Variants in SRRM4 observed in about 807,000 individuals in gnomAD.
SRRM4 encodes the protein serine/arginine repetitive matrix protein 4.
Under a neutral mutation model 68.9 loss-of-function variants are expected in SRRM4, and 33 were observed. The observed-to-expected ratio is 0.48, with a 90% CI of 0.36 to 0.64. The LOEUF is 0.64. Ranked by LOEUF, SRRM4 falls within the 30% of genes least tolerant of loss-of-function variation. The pLI is 0.00. For missense variants in SRRM4, 817 were observed against 827.1 expected, an observed-to-expected ratio of 0.99 and a Z score of 0.15; for synonymous variants, 318 against 318.8, an observed-to-expected ratio of 1.00 and a Z score of 0.03.
At chr12:119,023,038 T>C (rs1265257843) in intron 1 of SRRM4, among the ~76,000 whole-genome samples, 2 of 152,218 alleles carry the variant, frequency 1.3e-5, no homozygotes, top group African/African-American at 4.8e-5. Flanking sequence ...ACTCCGTACT[T>C]TTACCTACAC....
chr12:119,012,313 C>G (rs761021044), intron 1 of SRRM4, among the ~76,000 whole-genome samples: 1 of 152,212 alleles, frequency 6.6e-6, no homozygotes, highest in African/African-American at 2.4e-5. Context: ...GCATCATGAC[C>G]TGGCATCTGA....
Position 119,106,648 on chromosome 12 carries a change from C to T in SRRM4, c.278+4266C>T, listed in dbSNP as rs865835229. Among the ~76,000 whole-genome samples the T allele has an allele frequency of 7.6e-3, 1,153 of 151,538 alleles. 23 individuals carry two copies. The highest frequency in any genetic ancestry group is 0.026 in the African/African-American group (1,093 of 41,262). On this transcript the variant is annotated intron_variant, in intron 2 of 12. Coordinates refer to ENST00000267260, the MANE Select transcript of SRRM4 (RefSeq NM_194286.4). ...TGTATAGGAATGCTTGTGATTTTTGCACATTGATTTTGTATCCCGAGACTT... is the reference window on the plus strand; with the variant it reads ...TGTATAGGAATGCTTGTGATTTTTGTACATTGATTTTGTATCCCGAGACTT...
chr12:119,093,624 G>T (rs551247371), intron 1 of SRRM4, among the ~76,000 whole-genome samples: 1 of 152,178 alleles, frequency 6.6e-6, no homozygotes, highest in East Asian at 1.9e-4. Flanking sequence ...GGGCTGGAAG[G>T]AGAGATGATA....
At chr12:119,043,719 A>G (rs1009440110) in intron 1 of SRRM4, among the ~76,000 whole-genome samples, 1 of 151,208 alleles carries the variant, frequency 6.6e-6, no homozygotes, top group African/African-American at 2.4e-5. Flanking sequence ...GGAGAGAAGA[A>G]AAGGGCGTAG....
rs1280159312 is a variant in SRRM4 at position 119,161,486 on chromosome 12, T to G, written c.*4688T>G. ...TTGGAGTAAAAGTTTCTGTGTGTGTTTTTTTAGTTCTTTTGATGGCTGTTG... is the reference window on the plus strand; with the variant it reads ...TTGGAGTAAAAGTTTCTGTGTGTGTGTTTTTAGTTCTTTTGATGGCTGTTG... On this transcript the variant is annotated 3_prime_UTR_variant, in exon 13 of 13. Coordinates refer to ENST00000267260, the MANE Select transcript of SRRM4 (RefSeq NM_194286.4). 6.6e-6 allele frequency: 1 copy of G among 152,234 alleles called. No individual in the cohort carries two copies. Among genetic ancestry groups the G allele is most frequent in the Non-Finnish European group, 1.5e-5 (1 of 68,044 alleles). The allele number at this position is 152,234 out of a possible 1,614,324, so 9.4% of individuals were successfully genotyped here.
intron 1 of SRRM4, among the ~76,000 whole-genome samples, chr12:119,016,638 G>A (rs1017195338): frequency 3.3e-5 from 5 of 152,136 alleles, no homozygotes; most frequent in Non-Finnish European, 7.4e-5. Flanking sequence ...AGACCTTGCA[G>A]ATCCCTGTTC....
chr12:118,998,901 G>T (rs992745350), intron 1 of SRRM4, among the ~76,000 whole-genome samples: 1 of 152,210 alleles, frequency 6.6e-6, no homozygotes, highest in African/African-American at 2.4e-5. Flanking sequence ...ATGTAGAACT[G>T]TGAACAGGCA....
At chr12:119,092,539 C>T (rs1168407618) in intron 1 of SRRM4, among the ~76,000 whole-genome samples, 2 of 152,126 alleles carry the variant, frequency 1.3e-5, no homozygotes, top group Admixed American at 1.3e-4. Context: ...TCATCCTTGG[C>T]CCCTCTCTTT....
chr12:119,075,822 T>C (rs1953908866), intron 1 of SRRM4, among the ~76,000 whole-genome samples: 1 of 105,288 alleles, frequency 9.5e-6, no homozygotes, highest in Admixed American at 9.8e-5. Context: ...ATAACGGTGA[T>C]GATGGTGATG....
chr12:119,151,348 T>C (rs1337144866), intron 10 of SRRM4, 128 bp downstream of exon 10: 6 of 839,426 alleles, frequency 7.1e-6, no homozygotes, highest in Non-Finnish European at 1.1e-5. Flanking sequence ...GTTTTGCCCA[T>C]TTCGAGCTGG....
chr12:119,090,682 G>A (rs1954009351), intron 1 of SRRM4, among the ~76,000 whole-genome samples: 1 of 152,192 alleles, frequency 6.6e-6, no homozygotes, highest in African/African-American at 2.4e-5. Context: ...AAACAGAGCT[G>A]ATGGTCCTTT....
At chr12:119,149,050 G>T (rs554090321) in intron 9 of SRRM4, among the ~76,000 whole-genome samples, 1 of 152,288 alleles carries the variant, frequency 6.6e-6, no homozygotes, top group East Asian at 1.9e-4. Flanking sequence ...TAAATCTGGG[G>T]GTAATAATAG....
intron 1 of SRRM4, among the ~76,000 whole-genome samples, chr12:119,002,541 G>T (rs1953391341): frequency 6.6e-6 from 1 of 152,194 alleles, no homozygotes; most frequent in South Asian, 2.1e-4. Context: ...GGGACAGGAT[G>T]AAAATCTAAT....
chr12:119,081,983 T>C (rs7976598), intron 1 of SRRM4, among the ~76,000 whole-genome samples: 48,128 of 152,112 alleles, frequency 0.32, 7,801 homozygotes, highest in African/African-American at 0.34. Flanking sequence ...TTAATAATCA[T>C]TAGTAGCAAA....
At chr12:119,032,175 G>T (rs891940447) in intron 1 of SRRM4, among the ~76,000 whole-genome samples, 1 of 152,148 alleles carries the variant, frequency 6.6e-6, no homozygotes, top group South Asian at 2.1e-4. Flanking sequence ...TCCTGACTGG[G>T]AATGAAGCGT....
intron 1 of SRRM4, among the ~76,000 whole-genome samples, chr12:119,044,151 G>A (rs1452238173): frequency 6.6e-6 from 1 of 152,214 alleles, no homozygotes; most frequent in Non-Finnish European, 1.5e-5. Flanking sequence ...ATAGGCCTGA[G>A]CCACTGCACC....
At chr12:119,147,760 A>G (rs544203133) in intron 9 of SRRM4, among the ~76,000 whole-genome samples, 7 of 152,356 alleles carry the variant, frequency 4.6e-5, no homozygotes, top group African/African-American at 1.4e-4. Flanking sequence ...TTTCCTGCAG[A>G]AAACTCTTCC....
chr12:119,114,877 G>A (rs1398534202), intron 3 of SRRM4, among the ~76,000 whole-genome samples: 1 of 151,816 alleles, frequency 6.6e-6, no homozygotes, highest in East Asian at 1.9e-4. Context: ...TGTTAGCCAG[G>A]ATGGTCTCCA....
chr12:119,039,987 T>C (rs964187437), intron 1 of SRRM4, among the ~76,000 whole-genome samples: 2 of 152,072 alleles, frequency 1.3e-5, no homozygotes, highest in South Asian at 4.1e-4. Context: ...ATGCCAACTT[T>C]CACATACAGG....
Sources: allele counts gnomAD v4.1 joint callset (sites outside exome capture counted in the v4.1 genomes callset), GRCh38; gene constraint gnomAD v4.1.1; transcripts MANE v1.5; gene names NCBI Gene and HGNC (gene_info 2026-07-23, HGNC 2026-07-21).